Variants in EXOC4 observed in about 807,000 individuals in gnomAD.
EXOC4 encodes SEC8-like 1.
A neutral mutation model predicts 107.2 loss-of-function variants in EXOC4; 71 were observed. The ratio of observed to expected loss-of-function variants is 0.66; its 90% CI spans 0.55 to 0.81. The LOEUF is 0.81. Among genes scored for constraint, EXOC4 ranks in the 30% least tolerant of loss-of-function variants. The pLI, the probability that EXOC4 is intolerant of heterozygous loss-of-function variation, is 0.00. For synonymous variants in EXOC4, 456 were observed against 441.2 expected (o/e 1.03, Z -0.42); for missense variants, 1,108 against 1,189.6 (o/e 0.93, Z 1.01).
chr7:133,840,535 C>T (rs1464488743), intron 11 of EXOC4, among the ~76,000 whole-genome samples: 3 of 143,294 alleles, frequency 2.1e-5, no homozygotes, highest in African/African-American at 3.0e-5. Flanking sequence ...GATGGAGTCT[C>T]GCTCTGTCCC....
intron 5 of EXOC4, among the ~76,000 whole-genome samples, chr7:133,325,933 A>G (rs1470437804): frequency 6.6e-6 from 1 of 151,762 alleles, no homozygotes; most frequent in African/African-American, 2.4e-5. Flanking sequence ...TTTTCTCTAA[A>G]CTTCTCTTCT....
intron 8 of EXOC4, among the ~76,000 whole-genome samples, 190 bp from the exon 9 acceptor site, chr7:133,479,860 A>T (rs534750028): frequency 6.6e-6 from 1 of 152,368 alleles, no homozygotes; most frequent in Admixed American, 6.5e-5. Flanking sequence ...AGCCTTAGCC[A>T]GGAATATCGC....
chr7:133,897,245 AC>A (rs576773396), intron 12 of EXOC4, among the ~76,000 whole-genome samples: 23,124 of 151,958 alleles, frequency 0.15, 2,100 homozygotes, highest in African/African-American at 0.24. Context: ...ATCCACAGTT[AC>A]ATGGACAAAT....
At chr7:133,642,136 CA>C (rs1441090008) in intron 10 of EXOC4, among the ~76,000 whole-genome samples, 3 of 152,054 alleles carry the variant, frequency 2.0e-5, no homozygotes, top group Non-Finnish European at 2.9e-5. Context: ...TCAATATAGT[CA>C]TATTTTTCTG....
intron 2 of EXOC4, among the ~76,000 whole-genome samples, chr7:133,278,841 T>C (rs1173280027): frequency 5.3e-5 from 8 of 152,130 alleles, no homozygotes; most frequent in Non-Finnish European, 1.2e-4. Context: ...TATTATACTT[T>C]AAGTTTTAGG....
chr7:134,014,523 A>G (rs1585322588), intron 17 of EXOC4, among the ~76,000 whole-genome samples: 2 of 152,222 alleles, frequency 1.3e-5, no homozygotes, highest in Admixed American at 6.5e-5. Context: ...TTGAAACATT[A>G]TGTTAAATTT....
At chr7:133,639,045 C>T (rs545157342) in intron 10 of EXOC4, among the ~76,000 whole-genome samples, 9 of 152,178 alleles carry the variant, frequency 5.9e-5, no homozygotes, top group Admixed American at 3.9e-4. Context: ...CAGCATTTGA[C>T]GAAATATGTT....
intron 5 of EXOC4, among the ~76,000 whole-genome samples, chr7:133,332,442 A>AAC (rs1475861750): frequency 6.6e-6 from 1 of 152,154 alleles, no homozygotes. Flanking sequence ...CATCCTGGCC[A>AAC]ACATGGTGAC....
Position 133,253,170 on chromosome 7 carries a change from G to A in EXOC4, c.69G>A (p.Leu23=). Residue 23 remains leucine (L), a synonymous_variant, in exon 1 of 18, where the codon CTG becomes CTA. Transcript: ENST00000253861. ...TVSKSKDPSG[L]LISVIRTLST... is the part of the protein sequence containing the mutation. ...GCAAAAGCAAAGACCCCTCGGGGCT[G>A]CTCATCTCTGTGATCAGGTGAGGGA... 7 of 1,614,166 alleles carry A rather than the reference G, an allele frequency of 4.3e-6. No homozygotes were observed. Among genetic ancestry groups the A allele is most frequent in the Non-Finnish European group, 5.9e-6 (7 of 1,179,988 alleles).
intron 9 of EXOC4, among the ~76,000 whole-genome samples, chr7:133,603,579 A>G (rs1020533379): frequency 6.6e-6 from 1 of 152,250 alleles, no homozygotes; most frequent in African/African-American, 2.4e-5. Flanking sequence ...ACTGTACTAC[A>G]TGCACAACGT....
Position 133,931,511 on chromosome 7 carries a change from T to C in EXOC4, c.2028-6380T>C, listed in dbSNP as rs138346613. 3.0e-4 allele frequency among the ~76,000 whole-genome samples: 46 copies of C among 152,280 alleles called. 1 individual carries two copies. The East Asian group carries it at 8.9e-3, about 29-fold the overall frequency. Reference sequence around the variant, plus strand: ...AGTTAACTATTTAAAATATAGAATATATTGTTAATAATATAGGCAAAAGAA... The same window carrying C: ...AGTTAACTATTTAAAATATAGAATACATTGTTAATAATATAGGCAAAAGAA... On this transcript the variant is annotated intron_variant, in intron 13 of 17. Coordinates refer to ENST00000253861, the MANE Select transcript of EXOC4 (RefSeq NM_021807.4).
intron 17 of EXOC4, among the ~76,000 whole-genome samples, chr7:134,011,249 A>G (rs1355917937): frequency 6.6e-6 from 1 of 151,668 alleles, no homozygotes; most frequent in African/African-American, 2.4e-5. Flanking sequence ...AGATGGTGGC[A>G]GCATAACAAG....
chr7:133,780,608 T>G (rs1446069918), intron 10 of EXOC4, among the ~76,000 whole-genome samples: 1 of 152,130 alleles, frequency 6.6e-6, no homozygotes, highest in African/African-American at 2.4e-5. Flanking sequence ...CTGGGAGAGA[T>G]GTGTTTTTTT....
intron 1 of EXOC4, among the ~76,000 whole-genome samples, chr7:133,269,344 G>C (rs1793810820): frequency 6.6e-6 from 1 of 152,076 alleles, no homozygotes; most frequent in African/African-American, 2.4e-5. Context: ...AATATACTTA[G>C]CTTTAATTTC....
intron 9 of EXOC4, among the ~76,000 whole-genome samples, chr7:133,530,615 T>G (rs1209308815): frequency 6.6e-6 from 1 of 152,212 alleles, no homozygotes; most frequent in African/African-American, 2.4e-5. Context: ...TATACATTTA[T>G]CCATCCTCAA....
At chr7:133,503,353 A>G (rs1202125423) in intron 9 of EXOC4, among the ~76,000 whole-genome samples, 2 of 152,196 alleles carry the variant, frequency 1.3e-5, no homozygotes, top group African/African-American at 4.8e-5. Context: ...CATTTATATA[A>G]TCAGAGATTG....
chr7:133,427,022 G>A (rs947966018), intron 7 of EXOC4, among the ~76,000 whole-genome samples: 1 of 152,136 alleles, frequency 6.6e-6, no homozygotes, highest in Admixed American at 6.5e-5. Flanking sequence ...AGGAACCTTA[G>A]CATCCAATGT....
chr7:133,722,073 C>G (rs56298052), intron 10 of EXOC4, among the ~76,000 whole-genome samples: 1,962 of 152,268 alleles, frequency 0.013, 43 homozygotes, highest in African/African-American at 0.044. Context: ...ATACCTGATG[C>G]AATTTGCAGC....
intron 2 of EXOC4, among the ~76,000 whole-genome samples, chr7:133,278,661 G>A (rs1290652471): frequency 6.6e-6 from 1 of 152,132 alleles, no homozygotes; most frequent in African/African-American, 2.4e-5. Context: ...GCAGGAGAGA[G>A]ATGAGAGAGC....
Sources: gnomAD v4.1 joint callset for allele counts (sites outside exome capture counted in the v4.1 genomes callset) on GRCh38, gnomAD v4.1.1 for gene constraint, MANE v1.5 for transcripts, NCBI Gene and HGNC (gene_info 2026-07-23, HGNC 2026-07-21) for gene names.